LRGUK: variants seen among roughly 807,000 people sequenced by gnomAD.
LRGUK encodes leucine rich repeats and guanylate kinase domain containing.
Under a neutral mutation model 76.0 loss-of-function variants are expected in LRGUK, and 65 were observed. The ratio of observed to expected loss-of-function variants is 0.85; its 90% CI spans 0.70 to 1.05. The LOEUF is 1.05. Among genes scored for constraint, LRGUK ranks in the 50% least tolerant of loss-of-function variants. The probability of loss-of-function intolerance (pLI) is 0.00; values close to 1 mark genes in which losing one functional copy is unlikely to be tolerated. For synonymous variants in LRGUK, 268 were observed against 265.6 expected, an observed-to-expected ratio of 1.01 and a Z score of -0.09; for missense variants, 758 against 732.8, an observed-to-expected ratio of 1.03 and a Z score of -0.40.
At chr7:134,153,413 A>C (rs1397344746) in intron 5 of LRGUK, among the ~76,000 whole-genome samples, 1 of 152,140 alleles carries the variant, frequency 6.6e-6, no homozygotes, top group African/African-American at 2.4e-5. Context: ...AGTTTATGTA[A>C]ATATACTTAT....
chr7:134,146,434 T>A (rs1207813875), intron 4 of LRGUK, among the ~76,000 whole-genome samples: 1 of 152,164 alleles, frequency 6.6e-6, no homozygotes, highest in African/African-American at 2.4e-5. Flanking sequence ...GATAAGCTTA[T>A]TCCTAGTTTA....
At chr7:134,136,170 G>A (rs1157181996) in intron 1 of LRGUK, among the ~76,000 whole-genome samples, 1 of 152,108 alleles carries the variant, frequency 6.6e-6, no homozygotes, top group Non-Finnish European at 1.5e-5. Flanking sequence ...TAATGTGCTG[G>A]TCATTATGGA....
At chr7:134,267,605 A>G (rs1333795671), downstream of LRGUK, among the ~76,000 whole-genome samples, 2 of 152,030 alleles carry the variant, frequency 1.3e-5, no homozygotes, top group Non-Finnish European at 2.9e-5. Flanking sequence ...AAGGAGTTTC[A>G]CCTTTTGCTT....
In LRGUK at chr7:134,201,228, C is replaced by T. The variant is rs372313520; in HGVS notation, c.1748-253C>T. On this transcript the variant is annotated intron_variant, in intron 14 of 15. Coordinates refer to ENST00000645682, the Ensembl canonical transcript of LRGUK. ...ACCCGTTAATAACCTTAACCACATC[C>T]GCAAAAATCCCTTTTGCTGAATGTC... 3.3e-4 allele frequency among the ~76,000 whole-genome samples: 51 copies of T among 152,266 alleles called. 1 individual carries two copies. Among genetic ancestry groups the T allele is most frequent in the South Asian group, 2.5e-3 (12 of 4,824 alleles).
intron 16 of LRGUK, among the ~76,000 whole-genome samples, chr7:134,243,141 A>C (rs1248796826): frequency 1.7e-4 from 26 of 152,076 alleles, no homozygotes; most frequent in Admixed American, 1.5e-3. Context: ...TGAGAACTGG[A>C]ATAAGACAGG....
At chr7:134,218,889 T>C (rs916540581) in intron 15 of LRGUK, among the ~76,000 whole-genome samples, 15 of 152,204 alleles carry the variant, frequency 9.9e-5, no homozygotes, top group Admixed American at 9.2e-4. Flanking sequence ...TTCCAGATAC[T>C]TCATTTATAT....
chr7:134,131,404 A>T (rs919256742), intron 1 of LRGUK, among the ~76,000 whole-genome samples: 3 of 152,226 alleles, frequency 2.0e-5, no homozygotes, highest in Non-Finnish European at 2.9e-5. Flanking sequence ...AATTCAGCAT[A>T]CCTGTAGTAT....
chr7:134,226,458 C>T (rs1280803309), intron 16 of LRGUK, among the ~76,000 whole-genome samples: 5 of 152,200 alleles, frequency 3.3e-5, no homozygotes, highest in African/African-American at 7.2e-5. Flanking sequence ...TACAAAATAA[C>T]GAGGCTGGTT....
chr7:134,171,801 G>C (rs549067900), intron 7 of LRGUK, among the ~76,000 whole-genome samples: 15 of 152,170 alleles, frequency 9.9e-5, no homozygotes, highest in Non-Finnish European at 1.9e-4. Flanking sequence ...GTAAAAGTCT[G>C]TTATGCACAC....
chr7:134,180,738 T>C (rs112918673), intron 10 of LRGUK, among the ~76,000 whole-genome samples: 145 of 152,328 alleles, frequency 9.5e-4, no homozygotes, highest in Middle Eastern at 3.4e-3. Context: ...TGTGGTAAAA[T>C]ATATGTAACA....
chr7:134,180,715 C>G (rs1223885831), intron 10 of LRGUK, among the ~76,000 whole-genome samples: 1 of 152,118 alleles, frequency 6.6e-6, no homozygotes, highest in African/African-American at 2.4e-5. Flanking sequence ...CCATTTCCTC[C>G]CATGTTTTTT....
chr7:134,230,455 G>T (rs1801864415), intron 16 of LRGUK, among the ~76,000 whole-genome samples: 1 of 152,174 alleles, frequency 6.6e-6, no homozygotes, highest in Non-Finnish European at 1.5e-5. Flanking sequence ...TGAACATGCA[G>T]ATACCCTACA....
In LRGUK at chr7:134,223,846, G is replaced by A. The variant is rs573213043; in HGVS notation, c.1983+1928G>A. Among the ~76,000 whole-genome samples the A allele has an allele frequency of 1.8e-4, 27 of 152,076 alleles. No individual in the cohort carries two copies. In the South Asian group the frequency reaches 5.2e-3, roughly 29 times the overall value. On this transcript the variant is annotated intron_variant, in intron 16 of 19. Coordinates refer to the LRGUK transcript ENST00000285928. ...CATGTTGCATAGGCTGGCCTTGAAC[G>A]CCTGGCCCCAAGTGATCCTCTCACC...
At chr7:134,142,637 T>C (rs1025457773) in intron 3 of LRGUK, among the ~76,000 whole-genome samples, 1 of 152,252 alleles carries the variant, frequency 6.6e-6, no homozygotes, top group Admixed American at 6.5e-5. Flanking sequence ...ATTTCCACTC[T>C]TTATGAAAAG....
At chr7:134,177,624 T>C (rs1281531855) in intron 9 of LRGUK, among the ~76,000 whole-genome samples, 1 of 152,208 alleles carries the variant, frequency 6.6e-6, no homozygotes, top group Non-Finnish European at 1.5e-5. Context: ...CACTGCTTTG[T>C]CTTGCTTTAG....
intron 2 of LRGUK, among the ~76,000 whole-genome samples, chr7:134,137,403 C>A (rs1797582399): frequency 6.6e-6 from 1 of 152,148 alleles, no homozygotes; most frequent in African/African-American, 2.4e-5. Context: ...TCAATGCTTT[C>A]TTTCCAGGAG....
intron 8 of LRGUK, among the ~76,000 whole-genome samples, chr7:134,175,044 CAG>C (rs1409539330): frequency 1.3e-5 from 2 of 152,174 alleles, no homozygotes; most frequent in East Asian, 1.9e-4. Flanking sequence ...TATTCTATAA[CAG>C]GGGAAAGAAA....
At chr7:134,240,101 A>G (rs1218234972) in intron 16 of LRGUK, among the ~76,000 whole-genome samples, 1 of 152,248 alleles carries the variant, frequency 6.6e-6, no homozygotes, top group African/African-American at 2.4e-5. Flanking sequence ...GATGGGGAGA[A>G]ACCAGAGCAG....
chr7:134,149,206 G>A (rs1481369643), intron 5 of LRGUK, among the ~76,000 whole-genome samples: 8 of 152,038 alleles, frequency 5.3e-5, no homozygotes, highest in African/African-American at 1.9e-4. Context: ...AAGACAGCGA[G>A]CTCCAACTTC....
Sources: allele counts gnomAD v4.1 joint callset (sites outside exome capture counted in the v4.1 genomes callset), GRCh38; gene constraint gnomAD v4.1.1; transcripts MANE v1.5; gene names NCBI Gene and HGNC (gene_info 2026-07-23, HGNC 2026-07-21).